The following PRR12 variants were observed in gnomAD, a reference collection of about 807,000 sequenced individuals.
PRR12 encodes proline rich 12, also known as proline-rich protein 12.
In PRR12, 12 loss-of-function variants were observed where a neutral mutation model predicts 138.0. The ratio of observed to expected loss-of-function variants is 0.09; its 90% CI spans 0.06 to 0.14. The LOEUF is 0.14. PRR12 is among the 10% of genes least tolerant of loss of function. The pLI, the probability that PRR12 is intolerant of heterozygous loss-of-function variation, is 1.00. For missense variants in PRR12, 2,692 were observed against 2,861.3 expected (o/e 0.94, Z 1.35); for synonymous variants, 1,567 against 1,291.7 (o/e 1.21, Z -4.57).
In PRR12 at chr19:49,620,500, G is replaced by A. The variant is rs565371962; in HGVS notation, c.5623+23G>A. 145 of 1,047,194 alleles carry A rather than the reference G, an allele frequency of 1.4e-4. 1 individual carries two copies. The highest frequency in any genetic ancestry group is 1.2e-3 in the Admixed American group (38 of 32,706). 64.9% of individuals were successfully genotyped at this position (1,047,194 alleles called of 1,614,324 possible). On this transcript the variant is annotated intron_variant, in intron 10 of 13. Transcript: ENST00000418929. ...ATGGTGAGCTGAGGCCTGGGGAGGA[G>A]GGGGGGGGGCTGACTCGGTCTGAGG... is the stretch of plus-strand genomic sequence containing the variant.
At chr19:49,613,339 A>G (rs953119205) in intron 6 of PRR12, among the ~76,000 whole-genome samples, 8 of 151,884 alleles carry the variant, frequency 5.3e-5, no homozygotes, top group African/African-American at 1.9e-4. Flanking sequence ...TCAAAAAAAA[A>G]AAAAAAAAAA....
intron 9 of PRR12, among the ~76,000 whole-genome samples, chr19:49,619,402 A>G (rs191563244): frequency 3.6e-4 from 53 of 149,226 alleles, no homozygotes; most frequent in South Asian, 1.7e-3. Context: ...CACCCGGCTA[A>G]TTTTGTATTT....
chr19:49,609,290 A>C (rs1387146541), intron 6 of PRR12, among the ~76,000 whole-genome samples: 1 of 151,960 alleles, frequency 6.6e-6, no homozygotes, highest in African/African-American at 2.4e-5. Context: ...GGGCAACCGG[A>C]GTGAGACCGT....
In PRR12 at chr19:49,599,721, G is replaced by A. The variant is rs1018508215; in HGVS notation, c.4128G>A (p.Thr1376=). Residue 1376 remains threonine (T), a synonymous_variant, in exon 5 of 14, where the codon ACG becomes ACA. Coordinates refer to ENST00000418929, the MANE Select transcript of PRR12 (RefSeq NM_020719.3). The surrounding 1 kb of genome is among the most constrained non-coding windows in gnomAD (Gnocchi z 5.0). ...AGGAGCTGAAGCGGAACCTCGAGACGCTGCCCTCCTTCTCCTCGGATGAGG... is the reference window on the plus strand; with the variant it reads ...AGGAGCTGAAGCGGAACCTCGAGACACTGCCCTCCTTCTCCTCGGATGAGG... The part of the protein sequence containing the change: ...LDEELKRNLE[T]LPSFSSDEED... The A allele has an allele frequency of 6.2e-6, 10 of 1,613,418 alleles. No individual in the cohort carries two copies. Among genetic ancestry groups the A allele is most frequent in the African/African-American group, 2.7e-5 (2 of 74,926 alleles).
In PRR12 at chr19:49,594,675, G is replaced by A. The variant is rs16981329; in HGVS notation, c.362-22G>A. 11 of 1,609,920 alleles carry A rather than the reference G, an allele frequency of 6.8e-6. No homozygotes were observed. The highest frequency in any genetic ancestry group is 1.1e-5 in the South Asian group (1 of 91,014). On this transcript the variant is annotated intron_variant, in intron 3 of 13. Transcript: ENST00000418929. This position sits in a 1 kb window ranked among gnomAD's most constrained non-coding sequence, Gnocchi z 5.6. ...GGACTGGCTCGCTGTTCTCTCTGAC[G>A]CGCGGTCTTCCTCATCTCCAGCCAT...
intron 6 of PRR12, among the ~76,000 whole-genome samples, chr19:49,612,185 G>A (rs2080870200): frequency 6.7e-6 from 1 of 148,460 alleles, no homozygotes; most frequent in Non-Finnish European, 1.5e-5. Flanking sequence ...AGCCGAGATT[G>A]CGCCACTGCA....
In PRR12 at chr19:49,615,933, T is replaced by C. The variant is rs760956946; in HGVS notation, c.5211T>C (p.Pro1737=). The C allele has an allele frequency of 2.5e-5, 39 of 1,553,456 alleles. No individual in the cohort carries two copies. The highest frequency in any genetic ancestry group is 3.2e-5 in the Non-Finnish European group (37 of 1,148,892). The part of the protein sequence containing the change: ...PAPEKPSLLR[P]VEKEKEKEKV... ...CCGAGAAGCCCTCCCTCCTGCGGCCTGTTGAGAAGGAAAAGGAGAAGGAGA... is the reference window on the plus strand; with the variant it reads ...CCGAGAAGCCCTCCCTCCTGCGGCCCGTTGAGAAGGAAAAGGAGAAGGAGA... Residue 1737 remains proline (P), a synonymous_variant, in exon 9 of 14, where the codon CCT becomes CCC. Coordinates refer to ENST00000418929, the MANE Select transcript of PRR12 (RefSeq NM_020719.3).
rs1457344630 is a variant in PRR12 at position 49,601,907 on chromosome 19, C to T, written c.4762C>T (p.Pro1588Ser). The stretch of plus-strand genomic sequence containing the variant: ...GTTCGTCATCCGTGCTGAGGACATC[C>T]CTTCCCTCAAGGTGAGTCCCAGCCT... ...DEFVIRAEDI[P>S]SLKLALQTGR... Residue 1588 changes from proline to serine, a missense_variant, in exon 6 of 14, where the codon CCT (proline) becomes TCT (serine). Pro to Ser is a moderately conservative substitution (Grantham distance 74). This residue lies in a region of PRR12 where 92 missense variants were observed against 174.1 expected (regional missense o/e 0.53). Coordinates refer to ENST00000418929, the MANE Select transcript of PRR12 (RefSeq NM_020719.3). The T allele has an allele frequency of 1.2e-6, 2 of 1,611,628 alleles. No individual in the cohort carries two copies. Among genetic ancestry groups the T allele is most frequent in the South Asian group, 1.1e-5 (1 of 90,850 alleles).
chr19:49,616,282 GTCCAGAGGGC>G lies in PRR12; in HGVS notation c.5497+69_5497+78del. The G allele has an allele frequency of 7.2e-7, 1 of 1,382,964 alleles. No homozygotes were observed. Among genetic ancestry groups the G allele is most frequent in the African/African-American group, 1.5e-5 (1 of 68,480 alleles). 85.7% of individuals were successfully genotyped at this position (1,382,964 alleles called of 1,614,324 possible). On this transcript the variant is annotated intron_variant, in intron 9 of 13. Coordinates refer to ENST00000418929, the MANE Select transcript of PRR12 (RefSeq NM_020719.3). The surrounding 1 kb of genome is among the most constrained non-coding windows in gnomAD (Gnocchi z 4.2). ...TGGGGAAGGGACACAGGTGAGGGCT[GTCCAGAGGGC>G]TCCAGGTAGCCTTGGCAGGACAGTA...
Position 49,596,777 on chromosome 19 carries a change from C to T in PRR12, c.2442C>T (p.Pro814=). ...TCAGCCATGCCCCCAGTCCCTCTCC[C>T]AGCGCCTCCAAAGTCGGCGTCCACC... ...SVLSHAPSPS[P]SASKVGVHLL... Residue 814 remains proline, a synonymous_variant, in exon 4 of 14, where the codon CCC becomes CCT. Coordinates refer to ENST00000418929, the MANE Select transcript of PRR12 (RefSeq NM_020719.3). This position sits in a 1 kb window ranked among gnomAD's most constrained non-coding sequence, Gnocchi z 5.6. 2 of 1,603,498 alleles carry T rather than the reference C, an allele frequency of 1.2e-6. No individual in the cohort carries two copies. Among genetic ancestry groups the T allele is most frequent in the Non-Finnish European group, 1.7e-6 (2 of 1,179,350 alleles).
At chr19:49,622,650 G>T (rs2080929342) in intron 11 of PRR12, among the ~76,000 whole-genome samples, 1 of 149,458 alleles carries the variant, frequency 6.7e-6, no homozygotes, top group Non-Finnish European at 1.5e-5. Flanking sequence ...CCAGCAGTTT[G>T]GGAGGCCAAG....
At chr19:49,604,183 C>T (rs1345124856) in intron 6 of PRR12, among the ~76,000 whole-genome samples, 4 of 151,938 alleles carry the variant, frequency 2.6e-5, no homozygotes, top group African/African-American at 9.7e-5. Context: ...TGTGTTATTT[C>T]AATCTATTTC....
At position 49,625,860 on chromosome 19, in the gene PRR12, C is replaced by CT. The variant is rs879429448; in HGVS notation, c.*254dup. ...ATTATTTATATATATGTATAAATGT[C>CT]TATTTAGTAACGGTTTCCCTCTCCC... On this transcript the variant is annotated 3_prime_UTR_variant, in exon 14 of 14. Transcript: ENST00000418929. The surrounding 1 kb of genome is among the most constrained non-coding windows in gnomAD (Gnocchi z 5.5). The CT allele has an allele frequency of 2.5e-5, 9 of 365,680 alleles. No homozygotes were observed. Among genetic ancestry groups the CT allele is most frequent in the Non-Finnish European group, 4.3e-5 (9 of 207,446 alleles). 22.7% of individuals were successfully genotyped at this position (365,680 alleles called of 1,614,324 possible).
At position 49,598,029 on chromosome 19, in the gene PRR12, G is replaced by A. The variant is rs1313677211; in HGVS notation, c.3678+16G>A. ...GCCACTTAAGGTGAGGGGAAATGGG[G>A]TCTTGTAGGGGATAGGGGAGGAGGA... On this transcript the variant is annotated intron_variant, in intron 4 of 13. Transcript: ENST00000418929. 2.2e-6 allele frequency: 3 copies of A among 1,345,462 alleles called. No homozygotes were observed. The highest frequency in any genetic ancestry group is 2.2e-5 in the South Asian group (1 of 44,572). The allele number at this position is 1,345,462 out of a possible 1,614,324, so 83.3% of individuals were successfully genotyped here.
chr19:49,600,452 C>G (rs1489586161), intron 5 of PRR12, among the ~76,000 whole-genome samples: 1 of 148,372 alleles, frequency 6.7e-6, no homozygotes, highest in Non-Finnish European at 1.5e-5. Context: ...GAGGTGGGAG[C>G]TTACAGGAGG....
In PRR12 at chr19:49,591,451, C is replaced by T. The variant is rs559279893; in HGVS notation, c.-204C>T. On this transcript the variant is annotated 5_prime_UTR_variant, in exon 1 of 14. Coordinates refer to ENST00000418929, the MANE Select transcript of PRR12 (RefSeq NM_020719.3). ...TTGGCTCAGCGACTGCACCCCCTCC[C>T]TTGCCCGCCCCTCCGCCCCTGCCCC... 2.0e-5 allele frequency among the ~76,000 whole-genome samples: 3 copies of T among 148,724 alleles called. No homozygotes were observed. The highest frequency in any genetic ancestry group is 7.4e-5 in the African/African-American group (3 of 40,456).
At chr19:49,612,355 T>C (rs111310539) in intron 6 of PRR12, among the ~76,000 whole-genome samples, 2,643 of 151,920 alleles carry the variant, frequency 0.017, 77 homozygotes, top group African/African-American at 0.059. Flanking sequence ...GCAGTTGGCA[T>C]GGTCAGTGAT....
At chr19:49,605,225 A>G (rs570676566) in intron 6 of PRR12, among the ~76,000 whole-genome samples, 119 of 152,010 alleles carry the variant, frequency 7.8e-4, no homozygotes, top group African/African-American at 2.8e-3. Flanking sequence ...GTAGCTTGGG[A>G]TCCACACCCA....
intron 1 of PRR12, 92 bp from the exon 2 acceptor site, chr19:49,593,235 A>T: frequency 1.2e-5 from 5 of 414,286 alleles, no homozygotes; most frequent in Non-Finnish European, 2.2e-5. Flanking sequence ...GGTCAGCTGG[A>T]AGGGTCCCCC....
Sources: allele counts gnomAD v4.1 joint callset (sites outside exome capture counted in the v4.1 genomes callset), GRCh38; gene constraint gnomAD v4.1.1; regional missense constraint gnomAD v4.1.1; non-coding constraint Gnocchi (gnomAD v3.1); transcripts MANE v1.5; gene names NCBI Gene and HGNC (gene_info 2026-07-23, HGNC 2026-07-21).